The following ANO5 variants were observed in gnomAD, a reference collection of about 807,000 sequenced individuals.
ANO5 encodes anoctamin-5.
ANO5 carries 109 observed loss-of-function variants against 121.0 expected under a neutral mutation model. That is an observed-to-expected ratio of 0.90 (90% confidence interval 0.77 to 1.06). The LOEUF (loss-of-function observed/expected upper bound fraction) is 1.06, where lower values mean the gene tolerates loss of function less well. Ranked by LOEUF, ANO5 falls within the 50% of genes least tolerant of loss-of-function variation. The pLI is 0.00. For synonymous variants in ANO5, 406 were observed against 359.9 expected, an observed-to-expected ratio of 1.13 and a Z score of -1.45; for missense variants, 1,064 against 1,078.5, an observed-to-expected ratio of 0.99 and a Z score of 0.19.
chr11:22,222,525 AT>A (rs1256439501), intron 5 of ANO5, among the ~76,000 whole-genome samples: 1 of 151,670 alleles, frequency 6.6e-6, no homozygotes, highest in Non-Finnish European at 1.5e-5. Flanking sequence ...TCTGATCCAC[AT>A]TCTTCCTCTT....
At chr11:22,214,706 A>G (rs930415773) in intron 3 of ANO5, among the ~76,000 whole-genome samples, 1 of 151,984 alleles carries the variant, frequency 6.6e-6, no homozygotes, top group Admixed American at 6.6e-5. Context: ...ATTCTTTCCA[A>G]TCATTCGTGA....
Position 22,257,706 on chromosome 11 carries a change from C to G in ANO5, c.1359C>G (p.Tyr453Ter), listed in dbSNP as rs754889480. 6.2e-7 allele frequency: 1 copy of G among 1,612,516 alleles called. No individual in the cohort carries two copies. Among genetic ancestry groups the G allele is most frequent in the Admixed American group, 1.7e-5 (1 of 60,002 alleles). Residue 453 changes from tyrosine (Y) to a stop codon, truncating the protein, a stop_gained, in exon 14 of 22, where the codon TAC becomes TAG. Transcript: ENST00000324559. LOFTEE classifies it high-confidence loss of function. Reference sequence around the variant, plus strand: ...AGATGGAACCTTACATGCCTCTATACACGCGTATTCCATGGTACTTTCTTT... The same window carrying G: ...AGATGGAACCTTACATGCCTCTATAGACGCGTATTCCATGGTACTTTCTTT... Reference protein sequence around the residue: ...TKEMEPYMPLYTRIPWYFLSG... With the variant: ...TKEMEPYMPL
intron 7 of ANO5, among the ~76,000 whole-genome samples, chr11:22,235,513 T>C (rs1457832194): frequency 6.6e-6 from 1 of 151,922 alleles, no homozygotes; most frequent in Non-Finnish European, 1.5e-5. Flanking sequence ...GGACTATGTA[T>C]AAAACAGTGC....
intron 7 of ANO5, among the ~76,000 whole-genome samples, chr11:22,229,052 C>T (rs1389011668): frequency 6.6e-6 from 1 of 151,746 alleles, no homozygotes; most frequent in Non-Finnish European, 1.5e-5. Context: ...TGAGGACCGT[C>T]CATATTGTCT....
chr11:22,221,010 G>C lies in ANO5; in HGVS notation c.181-87G>C, dbSNP rs569687362. The C allele has an allele frequency of 6.2e-6, 6 of 968,200 alleles. No individual in the cohort carries two copies. In the African/African-American group the frequency reaches 9.8e-5, roughly 16 times the overall value. 60.0% of individuals were successfully genotyped at this position (968,200 alleles called of 1,614,324 possible). ...AAACTCTGGTTATTTGTCTTGATTT[G>C]ACTAAATTATAAATAATTCCTTTTG... On this transcript the variant is annotated intron_variant, in intron 4 of 21. Transcript: ENST00000324559.
At chr11:22,263,611 C>T (rs1854266902) in intron 17 of ANO5, among the ~76,000 whole-genome samples, 1 of 152,112 alleles carries the variant, frequency 6.6e-6, no homozygotes, top group Admixed American at 6.5e-5. Flanking sequence ...ACTAAACTGA[C>T]AGTTTATCTC....
In ANO5 at chr11:22,279,534, T is replaced by C. The variant is rs754919196; in HGVS notation, c.2521-10T>C. ...AACAGCGTCTAATCTTTCCTTTATA[T>C]TTCCTCTAGCATGTTGTGTTTTTAG... On this transcript the variant is annotated splice_polypyrimidine_tract_variant and intron_variant, in intron 21 of 21. Coordinates refer to ENST00000324559, the MANE Select transcript of ANO5 (RefSeq NM_213599.3). 6.2e-7 allele frequency: 1 copy of C among 1,602,216 alleles called. No individual in the cohort carries two copies. The highest frequency in any genetic ancestry group is 8.5e-7 in the Non-Finnish European group (1 of 1,170,398).
rs375233444 is a variant in ANO5 at position 22,193,614 on chromosome 11, G to A, written c.40+82G>A. The A allele has an allele frequency of 4.4e-5, 67 of 1,525,192 alleles. No homozygotes were observed. In the Middle Eastern group the frequency reaches 5.7e-4, roughly 13 times the overall value. The allele number at this position is 1,525,192 out of a possible 1,614,324, so 94.5% of individuals were successfully genotyped here. ...CACCCGCGGCGCAGAGGCCCCGGGG[G>A]ACGTTGGCGGCCCTGCGGCCTGAGT... On this transcript the variant is annotated intron_variant, in intron 1 of 21. Transcript: ENST00000324559.
upstream of ANO5, among the ~76,000 whole-genome samples, chr11:22,192,676 G>A (rs1488314847): frequency 6.6e-6 from 1 of 152,266 alleles, no homozygotes; most frequent in Non-Finnish European, 1.5e-5. Context: ...ACCGGCTGAG[G>A]GAGCATCGGG....
chr11:22,203,406 T>C (rs1852021130), intron 1 of ANO5, among the ~76,000 whole-genome samples: 1 of 152,110 alleles, frequency 6.6e-6, no homozygotes, highest in Non-Finnish European at 1.5e-5. Context: ...GCTGTCTGGT[T>C]TGATTTCAGG....
At chr11:22,238,510 TC>T (rs1265666269) in intron 8 of ANO5, among the ~76,000 whole-genome samples, 13 of 152,134 alleles carry the variant, frequency 8.5e-5, no homozygotes, top group Non-Finnish European at 1.9e-4. Context: ...TTTTAATCTT[TC>T]TTTACTTCTG....
At chr11:22,203,230 A>T (rs547973417) in intron 1 of ANO5, among the ~76,000 whole-genome samples, 1 of 152,300 alleles carries the variant, frequency 6.6e-6, no homozygotes, top group East Asian at 1.9e-4. Flanking sequence ...AGTTGGAACC[A>T]CTAGAAAATA....
chr11:22,272,579 G>T (rs1026898694), intron 18 of ANO5, among the ~76,000 whole-genome samples: 1 of 152,112 alleles, frequency 6.6e-6, no homozygotes, highest in African/African-American at 2.4e-5. Context: ...AGCCATGCAT[G>T]CCCAGTTTCT....
At position 22,198,514 on chromosome 11, in the gene ANO5, A is replaced by G. The variant is rs77537107; in HGVS notation, c.40+4982A>G. 8.3e-3 allele frequency among the ~76,000 whole-genome samples: 1,270 copies of G among 152,330 alleles called. 10 individuals are homozygous for G. Among genetic ancestry groups the G allele is most frequent in the Non-Finnish European group, 0.013 (870 of 68,026 alleles). On this transcript the variant is annotated intron_variant, in intron 1 of 21. Coordinates refer to ENST00000324559, the MANE Select transcript of ANO5 (RefSeq NM_213599.3). ...CCACATTCTCAAATAAATGCATCGC[A>G]TCAAATTTTAATAGCAGCTTGAAAA...
At chr11:22,222,388 C>T (rs1590238318) in intron 5 of ANO5, among the ~76,000 whole-genome samples, 1 of 151,884 alleles carries the variant, frequency 6.6e-6, no homozygotes, top group African/African-American at 2.4e-5. Context: ...GTTCCTTGAA[C>T]TCCCTTTTCC....
chr11:22,198,701 G>T (rs1851880823), intron 1 of ANO5, among the ~76,000 whole-genome samples: 1 of 151,914 alleles, frequency 6.6e-6, no homozygotes, highest in African/African-American at 2.4e-5. Flanking sequence ...TCTGTGATTG[G>T]AACTATATTT....
chr11:22,207,898 A>C (rs1038865294), intron 2 of ANO5, among the ~76,000 whole-genome samples: 46 of 152,116 alleles, frequency 3.0e-4, no homozygotes, highest in African/African-American at 1.1e-3. Context: ...ACTAAAGAGG[A>C]AATATGATGG....
chr11:22,231,219 A>G (rs983498204), intron 7 of ANO5, among the ~76,000 whole-genome samples: 2 of 152,028 alleles, frequency 1.3e-5, no homozygotes, highest in African/African-American at 2.4e-5. Context: ...AATGCCCAGT[A>G]TATAACACTC....
Position 22,211,206 on chromosome 11 carries a change from C to T in ANO5, c.88-58C>T, listed in dbSNP as rs576283869. Reference sequence around the variant, plus strand: ...GAGTTGTTACTGAAACTTAAAAGCACCCTTTGCTCCACCTGCACTATTAAT... The same window carrying T: ...GAGTTGTTACTGAAACTTAAAAGCATCCTTTGCTCCACCTGCACTATTAAT... On this transcript the variant is annotated intron_variant, in intron 2 of 21. Transcript: ENST00000324559. 3.2e-6 allele frequency: 5 copies of T among 1,570,072 alleles called. No individual in the cohort carries two copies. In the South Asian group the frequency reaches 3.3e-5, roughly 10 times the overall value.
Sources: allele counts gnomAD v4.1 joint callset (sites outside exome capture counted in the v4.1 genomes callset), GRCh38; gene constraint gnomAD v4.1.1; transcripts MANE v1.5; gene names NCBI Gene and HGNC (gene_info 2026-07-23, HGNC 2026-07-21).